Variants in EEIG1 observed in about 807,000 individuals in gnomAD.
EEIG1 encodes early estrogen-induced gene 1 protein.
the EEIG1 span, among the ~76,000 whole-genome samples, chr9:127,962,997 G>A: frequency 6.6e-6 from 1 of 152,228 alleles, no homozygotes; most frequent in Non-Finnish European, 1.5e-5. Flanking sequence ...CGGAGAAGGA[G>A]ATTGTTTTAA....
At chr9:127,950,779 G>T in the EEIG1 span, 1 of 1,212,072 alleles carries the variant, frequency 8.3e-7, no homozygotes, top group Non-Finnish European at 1.1e-6. Flanking sequence ...CACCCTTTGT[G>T]CCACGTCCCG....
At chr9:127,974,443 C>T in the EEIG1 span, among the ~76,000 whole-genome samples, 1 of 152,212 alleles carries the variant, frequency 6.6e-6, no homozygotes, top group Non-Finnish European at 1.5e-5. Flanking sequence ...TGGCCAGGGG[C>T]TTCTATGCCA....
At chr9:127,953,314 A>G in the EEIG1 span, 40 of 516,906 alleles carry the variant, frequency 7.7e-5, no homozygotes, top group South Asian at 5.1e-4. Flanking sequence ...GGTCCCAGAA[A>G]GAGGCCTGGA....
the EEIG1 span, among the ~76,000 whole-genome samples, chr9:127,964,652 G>A: frequency 7.9e-5 from 12 of 152,184 alleles, no homozygotes; most frequent in Admixed American, 3.3e-4. Context: ...CCTGACCCAC[G>A]TCCACTCTCA....
At chr9:127,966,074 G>A in the EEIG1 span, among the ~76,000 whole-genome samples, 2 of 150,722 alleles carry the variant, frequency 1.3e-5, no homozygotes, top group Non-Finnish European at 3.0e-5. Context: ...GGTGGGCCGG[G>A]AGGGAGGCTG....
At chr9:127,979,062 G>A in the EEIG1 span, among the ~76,000 whole-genome samples, 3 of 152,048 alleles carry the variant, frequency 2.0e-5, no homozygotes, top group African/African-American at 7.2e-5. Flanking sequence ...AGTCGTCCAC[G>A]CTGGTCTTGA....
the EEIG1 span, chr9:127,942,885 G>A: frequency 2.2e-5 from 10 of 450,464 alleles, no homozygotes; most frequent in Admixed American, 7.0e-5. Context: ...CTCCAGCAGC[G>A]CCGGTCCTTG....
At chr9:127,980,079 T>A in the EEIG1 span, 1 of 1,613,868 alleles carries the variant, frequency 6.2e-7, no homozygotes, top group Non-Finnish European at 8.5e-7. Flanking sequence ...CGCAGTCAGC[T>A]CCTCCAGGGT....
chr9:127,941,710 CT>C, the EEIG1 span: 1 of 152,176 alleles, frequency 6.6e-6, no homozygotes, highest in Non-Finnish European at 1.5e-5. Flanking sequence ...ACCTGCACCC[CT>C]CCCAGAGAGA....
chr9:127,950,450 G>A, the EEIG1 span: 12 of 1,613,888 alleles, frequency 7.4e-6, no homozygotes, highest in South Asian at 8.8e-5. Context: ...CCTGGCGAGT[G>A]TTCTTCGTGT....
chr9:127,953,441 C>G, the EEIG1 span: 4 of 744,654 alleles, frequency 5.4e-6, no homozygotes, highest in African/African-American at 7.0e-5. Context: ...AAAGATATTT[C>G]TAAAAAATAA....
At chr9:127,944,864 A>T in the EEIG1 span, 1 of 1,612,354 alleles carries the variant, frequency 6.2e-7, no homozygotes, top group East Asian at 2.2e-5. Flanking sequence ...TCGTCCACCC[A>T]GGTCGGGTGG....
At chr9:127,962,080 G>A in the EEIG1 span, among the ~76,000 whole-genome samples, 1 of 152,250 alleles carries the variant, frequency 6.6e-6, no homozygotes, top group Admixed American at 6.5e-5. Flanking sequence ...CAGAAGAGAA[G>A]GAGGGGAGGG....
At chr9:127,940,838 G>A in the EEIG1 span, 2 of 146,392 alleles carry the variant, frequency 1.4e-5, no homozygotes, top group African/African-American at 5.1e-5. Flanking sequence ...GACATGCCAT[G>A]TGGTCAGTTT....
chr9:127,975,458 G>GAGGACCCCAGA, the EEIG1 span, among the ~76,000 whole-genome samples: 3 of 152,138 alleles, frequency 2.0e-5, no homozygotes, highest in Admixed American at 2.0e-4. Flanking sequence ...CAGAGCACAA[G>GAGGACCCCAGA]AGGACCCCAG....
the EEIG1 span, chr9:127,945,577 G>A: frequency 2.7e-5 from 42 of 1,562,484 alleles, no homozygotes; most frequent in South Asian, 5.9e-5. The surrounding 1 kb of genome is among the most constrained non-coding windows in gnomAD (Gnocchi z 6.5). Context: ...CAGGGGCGAC[G>A]CAGGGGAGCA....
At chr9:127,955,012 A>C in the EEIG1 span, among the ~76,000 whole-genome samples, 1 of 152,186 alleles carries the variant, frequency 6.6e-6, no homozygotes, top group African/African-American at 2.4e-5. Flanking sequence ...CGAGCTCTGC[A>C]TCCCCGAGCA....
the EEIG1 span, among the ~76,000 whole-genome samples, chr9:127,975,049 C>T: frequency 6.6e-5 from 10 of 152,218 alleles, no homozygotes; most frequent in African/African-American, 2.4e-4. Context: ...AGGCCTCCCC[C>T]GGAGGTGGAT....
chr9:127,975,818 A>C, the EEIG1 span, among the ~76,000 whole-genome samples: 2 of 152,038 alleles, frequency 1.3e-5, no homozygotes, highest in African/African-American at 2.4e-5. Flanking sequence ...CTTCCTGCCC[A>C]AGGGCTGCCT....
Sources: gnomAD v4.1 joint callset for allele counts (sites outside exome capture counted in the v4.1 genomes callset) on GRCh38, gnomAD v4.1.1 for gene constraint, Gnocchi (gnomAD v3.1) non-coding constraint, MANE v1.5 for transcripts, NCBI Gene and HGNC (gene_info 2026-07-23, HGNC 2026-07-21) for gene names.